Variants in GPM6A observed in about 807,000 individuals in gnomAD.
The protein encoded by GPM6A is neuronal membrane glycoprotein M6-a.
In GPM6A, 7 loss-of-function variants were observed where a neutral mutation model predicts 32.1. That is an observed-to-expected ratio of 0.22 (90% CI 0.12 to 0.41). The LOEUF (loss-of-function observed/expected upper bound fraction) is 0.41. GPM6A is among the 10% of genes least tolerant of loss of function. The pLI is 1.00. For synonymous variants in GPM6A, 130 were observed against 123.4 expected, an observed-to-expected ratio of 1.05 and a Z score of -0.35; for missense variants, 235 against 347.2, an observed-to-expected ratio of 0.68 and a Z score of 2.57.
intron 1 of GPM6A, among the ~76,000 whole-genome samples, chr4:175,772,000 C>T (rs1322919013): frequency 6.6e-6 from 1 of 152,140 alleles, no homozygotes; most frequent in Non-Finnish European, 1.5e-5. Flanking sequence ...GACCCTTGGT[C>T]CTGTCATTTT....
intron 2 of GPM6A, among the ~76,000 whole-genome samples, chr4:175,689,003 C>T (rs1744144662): frequency 6.6e-6 from 1 of 152,110 alleles, no homozygotes; most frequent in Non-Finnish European, 1.5e-5. Flanking sequence ...CAGGCAGGCA[C>T]CACCATGCCT....
chr4:175,957,203 C>G (rs1028834354), intron 1 of GPM6A, among the ~76,000 whole-genome samples: 1 of 152,176 alleles, frequency 6.6e-6, no homozygotes, highest in Non-Finnish European at 1.5e-5. Context: ...CCCACTATTA[C>G]AGCCTCTTAT....
At chr4:175,780,518 C>A (rs1230378961) in intron 1 of GPM6A, among the ~76,000 whole-genome samples, 1 of 152,198 alleles carries the variant, frequency 6.6e-6, no homozygotes, top group East Asian at 1.9e-4. Context: ...GGCTATCATG[C>A]AGTTATGGAG....
intron 4 of GPM6A, among the ~76,000 whole-genome samples, chr4:175,642,312 CTT>C (rs994166355): frequency 2.6e-5 from 4 of 152,126 alleles, no homozygotes; most frequent in African/African-American, 9.7e-5. Flanking sequence ...CCATTACAGA[CTT>C]TATTTTGTGG....
chr4:175,682,223 C>A (rs1335473962), intron 2 of GPM6A, among the ~76,000 whole-genome samples: 4 of 151,688 alleles, frequency 2.6e-5, no homozygotes, highest in Middle Eastern at 3.2e-3. Context: ...TTTAGGGTAT[C>A]TGGCAGAAGA....
chr4:175,794,159 CA>C (rs1734120808), intron 1 of GPM6A, among the ~76,000 whole-genome samples: 1 of 152,106 alleles, frequency 6.6e-6, no homozygotes, highest in Admixed American at 6.6e-5. Context: ...GAAAAATTAT[CA>C]AAAATCTCTG....
intron 1 of GPM6A, among the ~76,000 whole-genome samples, chr4:175,780,453 C>T (rs1006391554): frequency 1.2e-4 from 19 of 152,286 alleles, no homozygotes; most frequent in Middle Eastern, 3.4e-3. Context: ...TTCTGTTCAT[C>T]CCAAGTGCTT....
At chr4:175,819,913 C>T (rs189163060) in intron 1 of GPM6A, among the ~76,000 whole-genome samples, 81 of 152,224 alleles carry the variant, frequency 5.3e-4, no homozygotes, top group African/African-American at 1.8e-3. Flanking sequence ...GATTCTCATA[C>T]TCAAAGAACT....
chr4:175,801,910 C>T (rs1734487858), intron 1 of GPM6A, among the ~76,000 whole-genome samples: 2 of 152,000 alleles, frequency 1.3e-5, no homozygotes, highest in Admixed American at 6.6e-5. Flanking sequence ...ATAGTGGTCG[C>T]TCTTGATACA....
intron 1 of GPM6A, among the ~76,000 whole-genome samples, chr4:175,894,138 G>A (rs148079445): frequency 2.9e-4 from 44 of 152,168 alleles, no homozygotes; most frequent in African/African-American, 1.0e-3. Context: ...CTTCTTTGTT[G>A]ATCTTAAAAC....
chr4:175,945,723 A>C (rs1579651782), intron 1 of GPM6A, among the ~76,000 whole-genome samples: 2 of 131,944 alleles, frequency 1.5e-5, no homozygotes, highest in South Asian at 4.4e-4. Context: ...ACTTATAATT[A>C]AGTAATACGG....
At chr4:175,933,463 AC>A (rs1739118493) in intron 1 of GPM6A, among the ~76,000 whole-genome samples, 1 of 152,236 alleles carries the variant, frequency 6.6e-6, no homozygotes, top group Non-Finnish European at 1.5e-5. Flanking sequence ...ACATAGACTT[AC>A]CATATGATTA....
chr4:175,738,496 C>T (rs1156864500), intron 1 of GPM6A, among the ~76,000 whole-genome samples: 3 of 151,766 alleles, frequency 2.0e-5, no homozygotes, highest in Non-Finnish European at 4.4e-5. Context: ...TAAATACAAA[C>T]ACTAAATTGG....
At chr4:175,778,395 G>C (rs1733478002) in intron 1 of GPM6A, among the ~76,000 whole-genome samples, 1 of 151,946 alleles carries the variant, frequency 6.6e-6, no homozygotes, top group African/African-American at 2.4e-5. Context: ...GGGAGGCTGA[G>C]GCAGGCAGAT....
intron 4 of GPM6A, chr4:175,641,419 C>G (rs1741136153): frequency 6.6e-6 from 1 of 152,530 alleles, no homozygotes; most frequent in Admixed American, 6.5e-5. Context: ...TAACACAAAA[C>G]TGATAGATGG....
Position 175,924,503 on chromosome 4 carries a change from T to C in GPM6A, c.-23+77806A>G, listed in dbSNP as rs185327742. ...ATAGGTGAGGTGTATATGAAATATA[T>C]GAGGGAAATCAAGGCTGAGTGCTTC... On this transcript the variant is annotated intron_variant, in intron 1 of 7. Coordinates refer to the GPM6A transcript ENST00000280187. Among the ~76,000 whole-genome samples, 704 of 152,118 alleles carry C rather than the reference T, an allele frequency of 4.6e-3. 3 individuals carry two copies. The highest frequency in any genetic ancestry group is 0.015 in the African/African-American group (628 of 41,524).
At chr4:175,862,155 A>C (rs1400275417) in intron 1 of GPM6A, among the ~76,000 whole-genome samples, 4 of 152,160 alleles carry the variant, frequency 2.6e-5, no homozygotes, top group African/African-American at 9.7e-5. Flanking sequence ...TCCCTTAAAA[A>C]CTTTTTCATA....
chr4:175,879,707 A>C (rs1441775570), intron 1 of GPM6A, among the ~76,000 whole-genome samples: 1 of 152,180 alleles, frequency 6.6e-6, no homozygotes, highest in Non-Finnish European at 1.5e-5. Flanking sequence ...ATATAGCAAC[A>C]TCAAAATAGT....
At chr4:175,680,039 C>G (rs988367249) in intron 2 of GPM6A, among the ~76,000 whole-genome samples, 1 of 152,012 alleles carries the variant, frequency 6.6e-6, no homozygotes, top group Non-Finnish European at 1.5e-5. Flanking sequence ...GTGTCTTTAC[C>G]TTTAGGTCTT....
Sources: gnomAD v4.1 joint callset for allele counts (sites outside exome capture counted in the v4.1 genomes callset) on GRCh38, gnomAD v4.1.1 for gene constraint, MANE v1.5 for transcripts, NCBI Gene and HGNC (gene_info 2026-07-23, HGNC 2026-07-21) for gene names.